The following MTRR variants were observed in gnomAD, a reference collection of about 807,000 sequenced individuals.
MTRR encodes the protein 5-methyltetrahydrofolate-homocysteine methyltransferase reductase, also known as methionine synthase reductase.
In MTRR, 63 loss-of-function variants were observed where a neutral mutation model predicts 79.2. That is an observed-to-expected ratio of 0.80 (90% CI 0.65 to 0.98). The LOEUF is 0.98. Among genes scored for constraint, MTRR ranks in the 50% least tolerant of loss-of-function variants. The pLI is 0.00. For synonymous variants in MTRR, 355 were observed against 313.3 expected, an observed-to-expected ratio of 1.13 and a Z score of -1.41; for missense variants, 895 against 839.6, an observed-to-expected ratio of 1.07 and a Z score of -0.82.
At chr5:7,855,005 A>T (rs1163298280) in intron 1 of MTRR, among the ~76,000 whole-genome samples, 1 of 152,234 alleles carries the variant, frequency 6.6e-6, no homozygotes, top group Non-Finnish European at 1.5e-5. Flanking sequence ...TAGGAAATGC[A>T]GCAGATAGAT....
At chr5:7,890,436 G>T (rs1002156413) in intron 9 of MTRR, 3 of 984,238 alleles carry the variant, frequency 3.0e-6, no homozygotes, top group Non-Finnish European at 3.6e-6. Flanking sequence ...AGTAGTATTA[G>T]AAAGTTCTCT....
At chr5:7,876,104 C>T (rs1734511642) in intron 4 of MTRR, among the ~76,000 whole-genome samples, 1 of 152,214 alleles carries the variant, frequency 6.6e-6, no homozygotes, top group Admixed American at 6.5e-5. Context: ...CACTATGTTA[C>T]TGAATAATCT....
upstream of MTRR, chr5:7,866,810 G>A (rs1188742726): frequency 3.1e-6 from 5 of 1,614,144 alleles, no homozygotes; most frequent in Admixed American, 1.7e-5. Flanking sequence ...TAAAGCAGAG[G>A]CATTTGGTGG....
chr5:7,860,481 A>T (rs1746459418), intron 1 of MTRR, among the ~76,000 whole-genome samples: 1 of 152,254 alleles, frequency 6.6e-6, no homozygotes, highest in African/African-American at 2.4e-5. Context: ...GAGTAATTCT[A>T]AAAGCAGGGT....
chr5:7,885,937 G>C (rs1045226734), intron 7 of MTRR, 83 bp downstream of exon 7: 67 of 1,586,422 alleles, frequency 4.2e-5, no homozygotes, highest in Non-Finnish European at 5.6e-5. Context: ...CTAAGGTTCA[G>C]GGTCCTGTGT....
intron 7 of MTRR, among the ~76,000 whole-genome samples, chr5:7,886,310 T>G (rs186615502): frequency 8.0e-4 from 122 of 152,286 alleles, no homozygotes; most frequent in African/African-American, 2.9e-3. Flanking sequence ...AATTGATTTT[T>G]TGAGAAGAAT....
chr5:7,867,246 T>C (rs1747030268), upstream of MTRR: 1 of 1,613,920 alleles, frequency 6.2e-7, no homozygotes, highest in South Asian at 1.1e-5. Context: ...AAGTTGTTTA[T>C]CTTATTTAAA....
upstream of MTRR, chr5:7,869,106 A>G: frequency 6.2e-7 from 1 of 1,612,870 alleles, no homozygotes; most frequent in East Asian, 2.2e-5. Context: ...TCCCCTTCGG[A>G]GCTTTCTATT....
upstream of MTRR, chr5:7,867,392 G>T: frequency 3.1e-6 from 5 of 1,614,138 alleles, no homozygotes; most frequent in Non-Finnish European, 4.2e-6. Context: ...CACACAACCT[G>T]AACTGTGCAG....
intron 10 of MTRR, among the ~76,000 whole-genome samples, chr5:7,892,038 T>C (rs1737694476): frequency 6.6e-6 from 1 of 151,956 alleles, no homozygotes. Flanking sequence ...ATACCCTGTC[T>C]CAAAAAAATA....
intron 2 of MTRR, among the ~76,000 whole-genome samples, chr5:7,872,052 C>T (rs1033718561): frequency 2.6e-5 from 4 of 152,002 alleles, no homozygotes; most frequent in Non-Finnish European, 5.9e-5. Flanking sequence ...TCCTCCCTGG[C>T]TGATGGTTTC....
intron 12 of MTRR, 97 bp downstream of exon 12, chr5:7,895,949 T>G (rs1738438689): frequency 6.8e-7 from 1 of 1,470,362 alleles, no homozygotes; most frequent in Middle Eastern, 1.8e-4. Context: ...GTAAAATTTT[T>G]ATTTAAAAAA....
At chr5:7,869,284 C>T in intron 1 of MTRR, 69 bp downstream of exon 1, 1 of 1,574,114 alleles carries the variant, frequency 6.4e-7, no homozygotes, top group Non-Finnish European at 8.6e-7. Context: ...CTGGGAGAGG[C>T]GGCCCGGGGC....
rs557317536 is a variant in MTRR at position 7,873,403 on chromosome 5, G to C, written c.160G>C (p.Val54Leu). Reference protein sequence around the residue: ...YDLKTETAPLVVVVSTTGTGD... With the variant: ...YDLKTETAPLLVVVSTTGTGD... ...CCTAAAAACCGAAACAGCTCCTCTTGTTGTTGTGGTTTCTACCACGGGCAC... is the reference window on the plus strand; with the variant it reads ...CCTAAAAACCGAAACAGCTCCTCTTCTTGTTGTGGTTTCTACCACGGGCAC... Residue 54 changes from valine to leucine, a missense_variant, in exon 3 of 15, where the codon GTT (valine) becomes CTT (leucine). Physicochemically the swap from Val to Leu is conservative, Grantham distance 32. Transcript: ENST00000440940. 1 of 1,613,936 alleles carries C rather than the reference G, an allele frequency of 6.2e-7. No homozygotes were observed. Among genetic ancestry groups the C allele is most frequent in the South Asian group, 1.1e-5 (1 of 91,072 alleles).
intron 1 of MTRR, chr5:7,870,507 C>G (rs1413486290): frequency 1.9e-5 from 8 of 428,308 alleles, no homozygotes; most frequent in South Asian, 1.0e-4. Flanking sequence ...ACTTAGGAAA[C>G]ACAGATTCAA....
rs534443434 is a variant in MTRR, at chr5:7,900,378, T to A, written c.*320T>A. 6.6e-5 allele frequency: 20 copies of A among 304,740 alleles called. No homozygotes were observed. In the South Asian group the frequency reaches 8.1e-4, roughly 12 times the overall value. The allele number at this position is 304,740 out of a possible 1,614,324, so 18.9% of individuals were successfully genotyped here. A position where few individuals can be genotyped will look rare whatever the true frequency, so the allele number is the denominator to read the frequency against. On this transcript the variant is annotated 3_prime_UTR_variant, in exon 15 of 15. Transcript: ENST00000440940. The stretch of plus-strand genomic sequence containing the variant: ...AGAGAACTTCACAGAGACTCTGTCC[T>A]TCCATGCAAAGGCTTCCTGAAATAG...
At position 7,862,427 on chromosome 5, in the gene MTRR, C is replaced by T. The variant is rs79645750; in HGVS notation, n.498+370C>T. Among the ~76,000 whole-genome samples the T allele has an allele frequency of 3.3e-5, 5 of 152,234 alleles. No homozygotes were observed. In the East Asian group the frequency reaches 9.6e-4, roughly 29 times the overall value. On this transcript the variant is annotated intron_variant and non_coding_transcript_variant, in intron 2 of 3. Transcript: ENST00000502509. Reference sequence around the variant, plus strand: ...TTAATAATTTAAATTTAAATAGCCACATGGTCTAGTGGCTACTATATTTGG... The same window carrying T: ...TTAATAATTTAAATTTAAATAGCCATATGGTCTAGTGGCTACTATATTTGG...
At chr5:7,895,001 G>A (rs1214843354) in intron 11 of MTRR, among the ~76,000 whole-genome samples, 2 of 152,158 alleles carry the variant, frequency 1.3e-5, no homozygotes, top group South Asian at 2.1e-4. Context: ...GTTCAGGCTC[G>A]TCATTACTTC....
At chr5:7,885,897 T>C in intron 7 of MTRR, 43 bp downstream of exon 7, 1 of 1,613,070 alleles carries the variant, frequency 6.2e-7, no homozygotes, top group Non-Finnish European at 8.5e-7. Context: ...TGTGGGCCAG[T>C]GGACTGGAGC....
Sources: allele counts gnomAD v4.1 joint callset (sites outside exome capture counted in the v4.1 genomes callset), GRCh38; gene constraint gnomAD v4.1.1; transcripts MANE v1.5; gene names NCBI Gene and HGNC (gene_info 2026-07-23, HGNC 2026-07-21).